Variants in RGS21 observed in about 807,000 individuals in gnomAD.
RGS21 encodes the protein regulator of G-protein signalling 21.
RGS21 carries 19 observed loss-of-function variants against 18.7 expected under a neutral mutation model. That is an observed-to-expected ratio of 1.01 (90% CI 0.71 to 1.49). The LOEUF is 1.49. Among genes scored for constraint, RGS21 ranks in the 40% most tolerant of loss-of-function variants. The pLI, the probability that RGS21 is intolerant of heterozygous loss-of-function variation, is 0.00. For missense variants in RGS21, 194 were observed against 176.8 expected, an observed-to-expected ratio of 1.10 and a Z score of -0.55; for synonymous variants, 56 against 57.8, an observed-to-expected ratio of 0.97 and a Z score of 0.14.
chr1:192,343,679 GC>G (rs1413399783), intron 2 of RGS21, among the ~76,000 whole-genome samples: 1 of 152,070 alleles, frequency 6.6e-6, no homozygotes, highest in Non-Finnish European at 1.5e-5. Context: ...AAGGAAATCA[GC>G]CAAAACCGCA....
chr1:192,359,988 G>A (rs75511650), intron 4 of RGS21, among the ~76,000 whole-genome samples: 3,288 of 151,658 alleles, frequency 0.022, 70 homozygotes, highest in South Asian at 0.056. Context: ...TGGCTTCTAG[G>A]ACTGGATTTC....
intron 1 of RGS21, among the ~76,000 whole-genome samples, chr1:192,322,170 C>T (rs146856779): frequency 1.3e-5 from 2 of 151,636 alleles, no homozygotes; most frequent in Non-Finnish European, 1.5e-5. Flanking sequence ...GAAAGGTATA[C>T]TCAGTTCCTT....
At position 192,366,074 on chromosome 1, in the gene RGS21, G is replaced by A; in HGVS notation, c.409G>A (p.Val137Ile). 6.2e-7 allele frequency: 1 copy of A among 1,611,864 alleles called. No individual in the cohort carries two copies. The highest frequency in any genetic ancestry group is 1.7e-4 in the Middle Eastern group (1 of 6,042). The change falls in exon 5 of 5, where the codon GTA becomes ATA. Residue 137 changes from valine to isoleucine, a missense_variant. Val to Ile is a conservative substitution (Grantham distance 29). Transcript: ENST00000417209. ...FLKSEIYKKL[V>I]NSQQVPNHKK... Reference sequence around the variant, plus strand: ...GAAGTCAGAGATTTATAAAAAACTGGTAAATAGCCAACAGGTTCCAAATCA... The same window carrying A: ...GAAGTCAGAGATTTATAAAAAACTGATAAATAGCCAACAGGTTCCAAATCA...
Position 192,332,822 on chromosome 1 carries a change from GA to G in RGS21, c.-60-10153del, listed in dbSNP as rs549111033. Reference sequence around the variant, plus strand: ...CTAGCTACTCCGGCGGCTGAGGCAGGAAGATGGATTGAGCCCAGCAGTTCAA... The same window carrying G: ...CTAGCTACTCCGGCGGCTGAGGCAGGAGATGGATTGAGCCCAGCAGTTCAA... On this transcript the variant is annotated intron_variant, in intron 1 of 4. Coordinates refer to ENST00000417209, the MANE Select transcript of RGS21 (RefSeq NM_001039152.3). Among the ~76,000 whole-genome samples, 300 of 152,248 alleles carry G rather than the reference GA, an allele frequency of 2.0e-3. 1 individual carries two copies. Among genetic ancestry groups the G allele is most frequent in the African/African-American group, 6.0e-3 (249 of 41,540 alleles).
intron 1 of RGS21, among the ~76,000 whole-genome samples, chr1:192,339,307 GTTC>G (rs1658817730): frequency 6.6e-6 from 1 of 151,762 alleles, no homozygotes; most frequent in South Asian, 2.1e-4. Context: ...CCAGAATTAA[GTTC>G]TTATTAATTT....
intron 4 of RGS21, among the ~76,000 whole-genome samples, chr1:192,354,948 G>A (rs921769592): frequency 6.6e-6 from 1 of 151,596 alleles, no homozygotes; most frequent in Admixed American, 6.6e-5. Flanking sequence ...TTACTAATGG[G>A]TATCAGTTTC....
At position 192,351,963 on chromosome 1, in the gene RGS21, G is replaced by A. The variant is rs539896565; in HGVS notation, c.89-84G>A. 1.7e-4 allele frequency: 118 copies of A among 689,834 alleles called. 1 individual carries two copies. The South Asian group carries it at 2.6e-3, about 15-fold the overall frequency. The allele number at this position is 689,834 out of a possible 1,614,324, so 42.7% of individuals were successfully genotyped here. ...ATTTGCCACTGAATATCCAGTAAATGCTCATATTATACAATGTACTCATTT... is the reference window on the plus strand; with the variant it reads ...ATTTGCCACTGAATATCCAGTAAATACTCATATTATACAATGTACTCATTT... On this transcript the variant is annotated intron_variant, in intron 3 of 4. Coordinates refer to ENST00000417209, the MANE Select transcript of RGS21 (RefSeq NM_001039152.3).
intron 1 of RGS21, among the ~76,000 whole-genome samples, chr1:192,335,387 T>C (rs1267368696): frequency 6.6e-6 from 1 of 152,220 alleles, no homozygotes; most frequent in Non-Finnish European, 1.5e-5. Flanking sequence ...AGCAGCTTAC[T>C]AATAGAGATC....
intron 3 of RGS21, 60 bp from the exon 4 acceptor site, chr1:192,351,987 T>C: frequency 1.1e-6 from 1 of 914,242 alleles, no homozygotes; most frequent in East Asian, 2.6e-5. Context: ...ATGTACTCAT[T>C]TTGGTCATAT....
chr1:192,347,863 T>C (rs1273290409), intron 3 of RGS21, among the ~76,000 whole-genome samples: 1 of 151,960 alleles, frequency 6.6e-6, no homozygotes. Context: ...TTTCACCATG[T>C]TGGCCAGGCT....
At chr1:192,356,793 A>G (rs897688588) in intron 4 of RGS21, among the ~76,000 whole-genome samples, 2 of 151,394 alleles carry the variant, frequency 1.3e-5, no homozygotes, top group African/African-American at 4.8e-5. Flanking sequence ...CTATATGTTG[A>G]TGTTATTTTG....
intron 1 of RGS21, among the ~76,000 whole-genome samples, chr1:192,332,811 G>A (rs149798001): frequency 6.6e-6 from 1 of 152,044 alleles, no homozygotes; most frequent in African/African-American, 2.4e-5. Flanking sequence ...CTACTCCGGC[G>A]GCTGAGGCAG....
intron 1 of RGS21, among the ~76,000 whole-genome samples, chr1:192,319,983 A>G (rs1462301782): frequency 6.6e-6 from 1 of 152,074 alleles, no homozygotes; most frequent in Non-Finnish European, 1.5e-5. Context: ...CCTTTGGGTA[A>G]AGGGAAAAGA....
chr1:192,324,099 TTAAC>T (rs1439340848), intron 1 of RGS21, among the ~76,000 whole-genome samples: 1 of 152,078 alleles, frequency 6.6e-6, no homozygotes, highest in Non-Finnish European at 1.5e-5. Flanking sequence ...GTAATCATTA[TTAAC>T]TGTTTCCACA....
chr1:192,353,467 T>C (rs1048125788), intron 4 of RGS21, among the ~76,000 whole-genome samples: 11 of 151,918 alleles, frequency 7.2e-5, no homozygotes, highest in African/African-American at 2.7e-4. Flanking sequence ...GGTTGATTGA[T>C]GTGTCATTTT....
chr1:192,324,683 A>C (rs556833012), intron 1 of RGS21, among the ~76,000 whole-genome samples: 1 of 152,204 alleles, frequency 6.6e-6, no homozygotes, highest in Non-Finnish European at 1.5e-5. Context: ...ACACACACAC[A>C]TAATTATAAA....
intron 4 of RGS21, among the ~76,000 whole-genome samples, chr1:192,358,196 A>G (rs1041271545): frequency 5.3e-5 from 8 of 151,912 alleles, no homozygotes; most frequent in African/African-American, 1.9e-4. Flanking sequence ...CTTTGCTTTG[A>G]CTACTTGTCT....
intron 4 of RGS21, among the ~76,000 whole-genome samples, chr1:192,364,972 C>A (rs762553868): frequency 2.1e-4 from 32 of 151,906 alleles, no homozygotes; most frequent in African/African-American, 7.5e-4. Context: ...GTCTCTACTA[C>A]TAATAATACA....
At chr1:192,345,455 T>C (rs1658932494) in intron 2 of RGS21, among the ~76,000 whole-genome samples, 1 of 152,098 alleles carries the variant, frequency 6.6e-6, no homozygotes, top group Admixed American at 6.6e-5. Flanking sequence ...CTTTAATATG[T>C]GTCAATATTT....
Sources: gnomAD v4.1 joint callset for allele counts (sites outside exome capture counted in the v4.1 genomes callset) on GRCh38, gnomAD v4.1.1 for gene constraint, MANE v1.5 for transcripts, NCBI Gene and HGNC (gene_info 2026-07-23, HGNC 2026-07-21) for gene names.